Variants in TMEM67 observed in about 807,000 individuals in gnomAD.
TMEM67 encodes transmembrane protein 67, also known as meckelin.
A neutral mutation model predicts 136.6 loss-of-function variants in TMEM67; 124 were observed. The ratio of observed to expected loss-of-function variants is 0.91; its 90% CI spans 0.78 to 1.05. The LOEUF (loss-of-function observed/expected upper bound fraction) is 1.05, where lower values mean the gene tolerates loss of function less well. Among genes scored for constraint, TMEM67 ranks in the 50% least tolerant of loss-of-function variants. The pLI, the probability that TMEM67 is intolerant of heterozygous loss-of-function variation, is 0.00. For synonymous variants in TMEM67, 364 were observed against 390.5 expected (o/e 0.93, Z 0.80); for missense variants, 1,107 against 1,178.4 (o/e 0.94, Z 0.89).
intron 27 of TMEM67, among the ~76,000 whole-genome samples, chr8:93,815,854 C>G (rs116026843): frequency 1.6e-3 from 243 of 152,374 alleles, no homozygotes; most frequent in African/African-American, 5.5e-3. Context: ...ACACCTCCCC[C>G]ACCTGTGTGG....
In TMEM67 at chr8:93,754,904, G is replaced by A; in HGVS notation, c.-11G>A. 1 of 1,613,064 alleles carries A rather than the reference G, an allele frequency of 6.2e-7. No homozygotes were observed. The highest frequency in any genetic ancestry group is 8.5e-7 in the Non-Finnish European group (1 of 1,179,742). On this transcript the variant is annotated 5_prime_UTR_variant, in exon 1 of 28. Transcript: ENST00000453321. ...GGGGCTGGAGGCTGTGAGGCTTCCA[G>A]CGTCGGTACCATGGCGACGCGCGGT... is the stretch of plus-strand genomic sequence containing the variant.
intron 6 of TMEM67, among the ~76,000 whole-genome samples, chr8:93,767,025 A>G (rs1813109649): frequency 6.6e-6 from 1 of 152,156 alleles, no homozygotes; most frequent in Non-Finnish European, 1.5e-5. Flanking sequence ...TTTTGCTGAA[A>G]GTCCCAACAA....
intron 22 of TMEM67, among the ~76,000 whole-genome samples, chr8:93,804,273 CCT>C (rs1252795323): frequency 6.8e-6 from 1 of 147,822 alleles, no homozygotes; most frequent in Non-Finnish European, 1.5e-5. Context: ...CTATGTCAAC[CCT>C]GTTTCTTCTT....
intron 7 of TMEM67, among the ~76,000 whole-genome samples, chr8:93,779,129 C>A (rs1235151518): frequency 6.6e-6 from 1 of 152,216 alleles, no homozygotes; most frequent in East Asian, 1.9e-4. Context: ...GATACCCTTT[C>A]TTCCACTTGA....
intron 11 of TMEM67, 25 bp downstream of exon 11, chr8:93,782,485 T>C (rs777890875): frequency 5.1e-6 from 8 of 1,567,344 alleles, no homozygotes; most frequent in Non-Finnish European, 7.0e-6. Context: ...TATTAGTCTA[T>C]ATTTTAGCTT....
chr8:93,765,447 C>A lies in TMEM67; in HGVS notation c.548C>A (p.Ser183Tyr). The A allele has an allele frequency of 6.2e-7, 1 of 1,611,946 alleles. No homozygotes were observed. Among genetic ancestry groups the A allele is most frequent in the Non-Finnish European group, 8.5e-7 (1 of 1,179,764 alleles). The change falls in exon 5 of 28, where the codon TCC (serine) becomes TAC (tyrosine). Residue 183 changes from serine to tyrosine, a missense_variant. Physicochemically the swap from Ser to Tyr is moderately radical, Grantham distance 144 (BLOSUM62 -2). This residue lies in a region of TMEM67 where 925 missense variants were observed against 1,002.4 expected (regional missense o/e 0.92). Transcript: ENST00000453321. ...CCAACATTTGTTAATACCAGCAGGT[C>A]CTGTGCATGTTCAGAACCTAACATT... is the stretch of plus-strand genomic sequence containing the variant. ...CEPTFVNTSR[S>Y]CACSEPNILT...
chr8:93,766,405 A>G (rs575752187), intron 6 of TMEM67, among the ~76,000 whole-genome samples: 1 of 152,304 alleles, frequency 6.6e-6, no homozygotes, highest in South Asian at 2.1e-4. Flanking sequence ...TGCATGAGCC[A>G]CTGCGCCCAG....
chr8:93,759,900 C>T, intron 3 of TMEM67: 2 of 1,347,034 alleles, frequency 1.5e-6, no homozygotes, highest in Non-Finnish European at 1.0e-6. Context: ...CTGCCTGCCT[C>T]AGCCTCCCAA....
chr8:93,780,248 G>A lies in TMEM67; in HGVS notation c.715-345G>A, dbSNP rs181867739. 2.6e-3 allele frequency among the ~76,000 whole-genome samples: 393 copies of A among 152,116 alleles called. 1 individual carries two copies. The highest frequency in any genetic ancestry group is 3.7e-3 in the Non-Finnish European group (249 of 67,984). ...AAAAGCGCAGTGTTTAGGTGGAGGT[G>A]TCCCATTTTTCCAGGTACAGTCTGT... On this transcript the variant is annotated intron_variant, in intron 7 of 27. Transcript: ENST00000453321.
At chr8:93,825,091 A>G in the TMEM67 span, among the ~76,000 whole-genome samples, 2 of 152,242 alleles carry the variant, frequency 1.3e-5, no homozygotes, top group Non-Finnish European at 2.9e-5. Flanking sequence ...TGAAGGAGAT[A>G]ATAGAAGTAC....
chr8:93,811,001 G>C (rs960426892), intron 26 of TMEM67, among the ~76,000 whole-genome samples: 1 of 152,172 alleles, frequency 6.6e-6, no homozygotes, highest in Admixed American at 6.5e-5. Flanking sequence ...AATGGAAGTG[G>C]TATAACCAGT....
chr8:93,811,624 T>C (rs555355935), intron 26 of TMEM67, among the ~76,000 whole-genome samples: 2 of 152,258 alleles, frequency 1.3e-5, no homozygotes, highest in South Asian at 2.1e-4. Flanking sequence ...TCTATTTGTA[T>C]ATTTGCAGTT....
intron 7 of TMEM67, among the ~76,000 whole-genome samples, chr8:93,775,942 G>A (rs1477505610): frequency 1.3e-5 from 2 of 152,172 alleles, no homozygotes; most frequent in African/African-American, 4.8e-5. Context: ...GTTACCTGAG[G>A]CAGTAGGGCC....
the TMEM67 span, among the ~76,000 whole-genome samples, chr8:93,827,226 G>A: frequency 6.6e-5 from 10 of 152,198 alleles, no homozygotes; most frequent in East Asian, 1.7e-3. Context: ...CAACATATAC[G>A]AAAAAATTGT....
At chr8:93,782,265 A>G (rs1813870622) in intron 10 of TMEM67, 130 bp from the exon 11 acceptor site, 8 of 731,416 alleles carry the variant, frequency 1.1e-5, no homozygotes, top group Non-Finnish European at 1.6e-5. Context: ...ATGTTCCCTT[A>G]ACTTTTCATA....
Position 93,759,852 on chromosome 8 carries a change from T to G in TMEM67, c.406+1276T>G, listed in dbSNP as rs1812746242. 3 of 674,428 alleles carry G rather than the reference T, an allele frequency of 4.4e-6. No homozygotes were observed. In the South Asian group the frequency reaches 5.9e-5, roughly 13 times the overall value. 41.8% of individuals were successfully genotyped at this position (674,428 alleles called of 1,614,324 possible). On this transcript the variant is annotated intron_variant, in intron 3 of 27. Transcript: ENST00000453321. ...TAGTGGCTAACAGGGTTTCTCCATG[T>G]TGGTCAGGCTGGTCTTGAACTTCCG...
In TMEM67 at chr8:93,797,196, G is replaced by A. The variant is rs1814657895; in HGVS notation, c.1923G>A (p.Trp641Ter). ...QITIDVFFID[W>*]ERPKGKVLKA... The stretch of plus-strand genomic sequence containing the variant: ...CAATAGATGTATTCTTTATTGATTG[G>A]GAGCGACCTAAAGGAAAGGTTCTTA... Residue 641 changes from tryptophan to a stop codon, truncating the protein, a stop_gained, in exon 19 of 28, where the codon TGG (tryptophan) becomes TGA (stop). Transcript: ENST00000453321. LOFTEE classifies it high-confidence loss of function. 6.2e-7 allele frequency: 1 copy of A among 1,613,178 alleles called. No individual in the cohort carries two copies. The highest frequency in any genetic ancestry group is 1.1e-5 in the South Asian group (1 of 91,040).
At chr8:93,815,181 G>A (rs1312128203) in intron 26 of TMEM67, 124 bp from the exon 27 acceptor site, 3 of 586,672 alleles carry the variant, frequency 5.1e-6, no homozygotes, top group East Asian at 5.9e-5. Flanking sequence ...AAGCCATGAA[G>A]TATTGTATAC....
In TMEM67 at chr8:93,789,130, A is replaced by G. The variant is rs149429468; in HGVS notation, c.1518+1181A>G. 4.5e-3 allele frequency among the ~76,000 whole-genome samples: 680 copies of G among 152,174 alleles called. 12 individuals carry two copies. The highest frequency in any genetic ancestry group is 0.03 in the Admixed American group (460 of 15,282). Reference sequence around the variant, plus strand: ...TCTGTAAGAGCTTTGAATTTCTACTATTTTACTTCTGTATTTTAATATTCT... The same window carrying G: ...TCTGTAAGAGCTTTGAATTTCTACTGTTTTACTTCTGTATTTTAATATTCT... On this transcript the variant is annotated intron_variant, in intron 14 of 27. Transcript: ENST00000453321.
Sources: gnomAD v4.1 joint callset for allele counts (sites outside exome capture counted in the v4.1 genomes callset) on GRCh38, gnomAD v4.1.1 for gene constraint, gnomAD v4.1.1 regional missense constraint, MANE v1.5 for transcripts, NCBI Gene and HGNC (gene_info 2026-07-23, HGNC 2026-07-21) for gene names.